RUNX1T1: variants seen among roughly 807,000 people sequenced by gnomAD.
RUNX1T1 encodes RUNX1 partner transcriptional co-repressor 1, also known as protein CBFA2T1.
A neutral mutation model predicts 62.8 loss-of-function variants in RUNX1T1; 4 were observed. That is an observed-to-expected ratio of 0.06 (90% CI 0.03 to 0.15). RUNX1T1 has a LOEUF of 0.15. Ranked by LOEUF, RUNX1T1 falls within the 10% of genes least tolerant of loss-of-function variation. The pLI is 1.00. For synonymous variants in RUNX1T1, 291 were observed against 286.0 expected, an observed-to-expected ratio of 1.02 and a Z score of -0.18; for missense variants, 508 against 754.3, an observed-to-expected ratio of 0.67 and a Z score of 3.82.
rs368765023 is a variant in RUNX1T1, at chr8:92,005,163, C to G, written c.612G>C (p.Glu204Asp). 39 of 1,613,894 alleles carry G rather than the reference C, an allele frequency of 2.4e-5. No homozygotes were observed. In the African/African-American group the frequency reaches 4.7e-4, roughly 19 times the overall value. The change falls in exon 5 of 11, where the codon GAG (glutamate) becomes GAC (aspartate). Residue 204 changes from glutamate (E) to aspartate (D), a missense_variant. Transcript: ENST00000396218. ...CGTTTTCGTTCACATCGAGAAGCAG[C>G]TCTGAGGAGTCAACAGGTGAGGTGG...
chr8:91,966,473 G>A (rs1025330914), intron 10 of RUNX1T1, among the ~76,000 whole-genome samples: 1 of 152,078 alleles, frequency 6.6e-6, no homozygotes, highest in African/African-American at 2.4e-5. Flanking sequence ...AACAATAAAA[G>A]TATTTATCTG....
In RUNX1T1 at chr8:92,060,443, T is replaced by TA. The variant is rs547211724; in HGVS notation, c.7+2102dup. Reference sequence around the variant, plus strand: ...CTGTTTCCAGGGATCCTCAATTTTATAAAAAAAGGCCCTAGATATGGCAAT... The same window carrying TA: ...CTGTTTCCAGGGATCCTCAATTTTATAAAAAAAAGGCCCTAGATATGGCAAT... On this transcript the variant is annotated intron_variant, in intron 1 of 10. Transcript: ENST00000396218. 1.5e-3 allele frequency among the ~76,000 whole-genome samples: 222 copies of TA among 149,536 alleles called. 1 individual carries two copies. Among genetic ancestry groups the TA allele is most frequent in the Middle Eastern group, 6.9e-3 (2 of 290 alleles).
chr8:92,012,470 G>A (rs1345658616), intron 3 of RUNX1T1, among the ~76,000 whole-genome samples: 1 of 152,132 alleles, frequency 6.6e-6, no homozygotes, highest in East Asian at 1.9e-4. Context: ...CAAGGCTGCG[G>A]TGAGCCTTGC....
intron 1 of RUNX1T1, chr8:92,095,473 G>A: frequency 6.5e-7 from 1 of 1,532,092 alleles, no homozygotes; most frequent in Admixed American, 2.0e-5. Context: ...CACATTGTGT[G>A]TGAGTGAGTG....
intron 1 of RUNX1T1, among the ~76,000 whole-genome samples, chr8:92,034,589 T>C (rs1427331420): frequency 6.6e-6 from 1 of 151,996 alleles, no homozygotes; most frequent in Non-Finnish European, 1.5e-5. Context: ...CCTAGTTTAT[T>C]GCAGCACTAT....
At chr8:92,073,540 C>T (rs887474757) in intron 2 of RUNX1T1, among the ~76,000 whole-genome samples, 1 of 152,248 alleles carries the variant, frequency 6.6e-6, no homozygotes, top group Admixed American at 6.5e-5. Context: ...TAAATTACAA[C>T]TCCAAAACTC....
At chr8:92,034,786 A>ACACACG (rs1271460445) in intron 1 of RUNX1T1, among the ~76,000 whole-genome samples, 11,887 of 126,956 alleles carry the variant, frequency 0.094, 1,044 homozygotes, top group South Asian at 0.1. Context: ...ACACATATAT[A>ACACACG]TATACATATA....
upstream of RUNX1T1, chr8:92,103,181 C>T (rs1487216950): frequency 5.7e-6 from 2 of 352,524 alleles, no homozygotes; most frequent in Admixed American, 4.8e-5. Flanking sequence ...GCCTCCCTCC[C>T]TCCCTCCGCT....
downstream of RUNX1T1, chr8:91,955,221 C>T (rs1809178949): frequency 4.5e-6 from 1 of 220,144 alleles, no homozygotes; most frequent in Non-Finnish European, 9.1e-6. Flanking sequence ...CCAACATATC[C>T]ACTTGAATGA....
At chr8:91,976,905 A>G (rs1899665) in intron 8 of RUNX1T1, among the ~76,000 whole-genome samples, 1 of 152,112 alleles carries the variant, frequency 6.6e-6, no homozygotes, top group African/African-American at 2.4e-5. Context: ...AACTTAATTA[A>G]TAAGCCCATG....
intron 3 of RUNX1T1, among the ~76,000 whole-genome samples, chr8:92,013,378 A>G (rs551397548): frequency 1.3e-5 from 2 of 152,340 alleles, no homozygotes; most frequent in African/African-American, 4.8e-5. Flanking sequence ...TAAAAATTAA[A>G]TTGCAAAATC....
intron 1 of RUNX1T1, among the ~76,000 whole-genome samples, chr8:92,090,772 C>T (rs912081522): frequency 5.9e-5 from 9 of 152,070 alleles, no homozygotes; most frequent in African/African-American, 1.9e-4. Context: ...TTGGGGAATA[C>T]GAAGAAACCT....
chr8:91,965,211 T>C (rs1440657374), intron 10 of RUNX1T1, among the ~76,000 whole-genome samples: 1 of 152,178 alleles, frequency 6.6e-6, no homozygotes, highest in Non-Finnish European at 1.5e-5. Flanking sequence ...AGAAGAACAT[T>C]AACTTACTTC....
intron 2 of RUNX1T1, among the ~76,000 whole-genome samples, chr8:92,016,619 G>A (rs1459107277): frequency 6.6e-6 from 1 of 152,100 alleles, no homozygotes; most frequent in Non-Finnish European, 1.5e-5. Context: ...AGGTTGCAGT[G>A]AGCTGAGATC....
intron 2 of RUNX1T1, among the ~76,000 whole-genome samples, chr8:92,073,305 C>T (rs1433431545): frequency 6.6e-6 from 1 of 152,116 alleles, no homozygotes; most frequent in Non-Finnish European, 1.5e-5. Flanking sequence ...AACACAACAG[C>T]GTTCTCATTT....
intron 3 of RUNX1T1, among the ~76,000 whole-genome samples, chr8:92,013,644 C>G (rs1176528625): frequency 6.6e-6 from 1 of 152,118 alleles, no homozygotes; most frequent in Admixed American, 6.5e-5. Flanking sequence ...TTCCTAAATA[C>G]TCGAAAATCC....
intron 1 of RUNX1T1, among the ~76,000 whole-genome samples, chr8:92,044,836 A>G (rs1227717535): frequency 6.6e-6 from 1 of 152,206 alleles, no homozygotes; most frequent in Non-Finnish European, 1.5e-5. Context: ...CAACTTCTTA[A>G]CCACTATATT....
intron 5 of RUNX1T1, chr8:91,994,712 A>C: frequency 2.4e-6 from 1 of 425,410 alleles, no homozygotes. Context: ...ACTTTTCCCC[A>C]AAACAATCAA....
At chr8:92,068,140 A>G (rs942385753) in intron 2 of RUNX1T1, among the ~76,000 whole-genome samples, 6 of 152,164 alleles carry the variant, frequency 3.9e-5, no homozygotes, top group African/African-American at 7.2e-5. Context: ...CCATAAAACA[A>G]TTCCTAAAAA....
Sources: gnomAD v4.1 joint callset for allele counts (sites outside exome capture counted in the v4.1 genomes callset) on GRCh38, gnomAD v4.1.1 for gene constraint, MANE v1.5 for transcripts, NCBI Gene and HGNC (gene_info 2026-07-23, HGNC 2026-07-21) for gene names.